Variants in RHAG observed in about 807,000 individuals in gnomAD.
The protein encoded by RHAG is Rh associated glycoprotein.
In RHAG, 25 loss-of-function variants were observed where a neutral mutation model predicts 42.4. The ratio of observed to expected loss-of-function variants is 0.59; its 90% CI spans 0.43 to 0.82. The LOEUF (loss-of-function observed/expected upper bound fraction) is 0.82. Among genes scored for constraint, RHAG ranks in the 40% least tolerant of loss-of-function variants. The pLI is 0.00. For synonymous variants in RHAG, 182 were observed against 177.7 expected (o/e 1.02, Z -0.19); for missense variants, 483 against 504.6 (o/e 0.96, Z 0.41).
chr6:49,629,492 G>A (rs903414779), intron 1 of RHAG, among the ~76,000 whole-genome samples: 2 of 152,234 alleles, frequency 1.3e-5, no homozygotes, highest in Non-Finnish European at 2.9e-5. Context: ...TCACCCAGTG[G>A]ATCCCGCACC....
chr6:49,612,322 T>G, intron 6 of RHAG, 75 bp downstream of exon 6: 2 of 1,505,102 alleles, frequency 1.3e-6, no homozygotes, highest in East Asian at 4.6e-5. Flanking sequence ...CTTAGTAGCT[T>G]TTTTTCTGCT....
chr6:49,607,718 T>A (rs1762498029), intron 7 of RHAG, among the ~76,000 whole-genome samples: 1 of 152,180 alleles, frequency 6.6e-6, no homozygotes, highest in Admixed American at 6.5e-5. Context: ...TAGTAAAAAA[T>A]ACTTTGTAAT....
chr6:49,622,496 A>G (rs1323121044), intron 1 of RHAG, among the ~76,000 whole-genome samples: 1 of 152,044 alleles, frequency 6.6e-6, no homozygotes, highest in East Asian at 1.9e-4. Context: ...GGCGTAAGCC[A>G]CCGCGCCTGG....
intron 1 of RHAG, among the ~76,000 whole-genome samples, chr6:49,623,395 G>C (rs1056455938): frequency 2.0e-5 from 3 of 152,070 alleles, no homozygotes; most frequent in African/African-American, 7.3e-5. Context: ...TTAAGAGTTT[G>C]TGGGTGGGGA....
At chr6:49,612,608 G>A (rs1174739852) in intron 5 of RHAG, 74 bp from the exon 6 acceptor site, 16 of 1,550,916 alleles carry the variant, frequency 1.0e-5, no homozygotes, top group Non-Finnish European at 1.2e-5. Context: ...GGATTCTAGA[G>A]TTCAAGAGAC....
chr6:49,629,729 G>T (rs977215915), intron 1 of RHAG, among the ~76,000 whole-genome samples: 4 of 152,212 alleles, frequency 2.6e-5, no homozygotes, highest in Non-Finnish European at 4.4e-5. Context: ...GAAATCGAGC[G>T]CAGCGCAGGT....
chr6:49,630,192 C>T (rs1469323654), intron 1 of RHAG, among the ~76,000 whole-genome samples: 1 of 152,192 alleles, frequency 6.6e-6, no homozygotes, highest in Non-Finnish European at 1.5e-5. Flanking sequence ...TGAGTGTTAC[C>T]CATGTTGTGC....
rs1165489347 is a variant in RHAG, at chr6:49,605,757, T to TA, written c.*55dup. On this transcript the variant is annotated 3_prime_UTR_variant, in exon 10 of 10. Transcript: ENST00000371175. ...GAAGCTGGAGAGCAGGAATGGTGTTTAGACTTCAGGTTCCAGCTGGCTGTG... is the reference window on the plus strand; with the variant it reads ...GAAGCTGGAGAGCAGGAATGGTGTTTAAGACTTCAGGTTCCAGCTGGCTGTG... 3.9e-6 allele frequency: 6 copies of TA among 1,522,036 alleles called. No individual in the cohort carries two copies. The highest frequency in any genetic ancestry group is 1.7e-5 in the Admixed American group (1 of 59,848). 94.3% of individuals were successfully genotyped at this position (1,522,036 alleles called of 1,614,324 possible).
chr6:49,626,402 A>T (rs923914194), intron 1 of RHAG, among the ~76,000 whole-genome samples: 2 of 152,162 alleles, frequency 1.3e-5, no homozygotes, highest in Non-Finnish European at 2.9e-5. Flanking sequence ...GCAGTCCTTA[A>T]ATCTTAAATT....
rs532639549 is a variant in RHAG at position 49,615,641 on chromosome 6, T to C, written c.623A>G (p.Asp208Gly). 6.2e-7 allele frequency: 1 copy of C among 1,614,114 alleles called. No individual in the cohort carries two copies. The highest frequency in any genetic ancestry group is 1.7e-5 in the Admixed American group (1 of 60,006). The change falls in exon 4 of 10, where the codon GAC (aspartate) becomes GGC (glycine). Residue 208 changes from aspartate to glycine, a missense_variant. Transcript: ENST00000371175. ...HENEESAYYSDLFAMIGTLFL... is the reference protein window; with the variant it reads ...HENEESAYYSGLFAMIGTLFL... Reference sequence around the variant, plus strand: ...ACACTCACCAATCATTGCAAACAAGTCTGAGTAGTATGCGGACTCTTCATT... The same window carrying C: ...ACACTCACCAATCATTGCAAACAAGCCTGAGTAGTATGCGGACTCTTCATT...
At position 49,619,265 on chromosome 6, in the gene RHAG, G is replaced by A. The variant is rs377765960; in HGVS notation, c.255C>T (p.Leu85=). 157 of 1,613,962 alleles carry A rather than the reference G, an allele frequency of 9.7e-5. No individual in the cohort carries two copies. The highest frequency in any genetic ancestry group is 1.6e-4 in the Middle Eastern group (1 of 6,082). The change falls in exon 2 of 10, where the codon CTC becomes CTT. Residue 85 remains leucine, a synonymous_variant. Coordinates refer to ENST00000371175, the MANE Select transcript of RHAG (RefSeq NM_000324.3). The part of the protein sequence containing the change: ...YGFSSVGINL[L]VAALGLQWGT... The stretch of plus-strand genomic sequence containing the variant: ...CCCACTGGAGGCCCAAAGCAGCAAC[G>A]AGTAGGTTGATACCCACACTGCTGA...
chr6:49,626,117 T>C (rs1393022318), intron 1 of RHAG, among the ~76,000 whole-genome samples: 1 of 152,084 alleles, frequency 6.6e-6, no homozygotes, highest in African/African-American at 2.4e-5. Context: ...CTCCAGCCCC[T>C]CCAAAATCTC....
At chr6:49,610,878 A>T (rs1401633604) in intron 7 of RHAG, 146 bp downstream of exon 7, 2 of 857,944 alleles carry the variant, frequency 2.3e-6, no homozygotes, top group East Asian at 2.6e-5. Context: ...TATTCTAATG[A>T]TCTTCTCTCA....
At chr6:49,606,631 G>T in intron 9 of RHAG, 1 of 435,496 alleles carries the variant, frequency 2.3e-6, no homozygotes, top group Non-Finnish European at 4.0e-6. Flanking sequence ...TATAATTTTT[G>T]TAGAGAGTTG....
intron 6 of RHAG, 133 bp downstream of exon 6, chr6:49,612,264 C>A: frequency 1.0e-6 from 1 of 997,078 alleles, no homozygotes. Context: ...GTGGTATTTC[C>A]AAAAAGAAGG....
chr6:49,614,825 G>A lies in RHAG; in HGVS notation c.669C>T (p.Pro223=). The A allele has an allele frequency of 1.9e-6, 3 of 1,614,168 alleles. No individual in the cohort carries two copies. The highest frequency in any genetic ancestry group is 2.5e-6 in the Non-Finnish European group (3 of 1,180,016). The change falls in exon 5 of 10, where the codon CCC becomes CCT. Residue 223 remains proline, a synonymous_variant. Transcript: ENST00000371175. ...GTTCAGCAATGGCCGAGTTAAAGCT[G>A]GGCCAAAACATCCACAGAAAGAGAG... ...IGTLFLWMFW[P]SFNSAIAEPG... is the part of the protein sequence containing the mutation.
At chr6:49,608,213 G>C (rs1323160962) in intron 7 of RHAG, among the ~76,000 whole-genome samples, 2 of 152,164 alleles carry the variant, frequency 1.3e-5, no homozygotes, top group Non-Finnish European at 2.9e-5. Flanking sequence ...ATGTGAGTCA[G>C]TGTAGATCTG....
intron 5 of RHAG, among the ~76,000 whole-genome samples, chr6:49,613,728 T>C (rs915721995): frequency 2.0e-5 from 3 of 152,180 alleles, no homozygotes; most frequent in Non-Finnish European, 4.4e-5. Context: ...ATATTTTATT[T>C]TGAACTAATT....
intron 3 of RHAG, 75 bp downstream of exon 3, chr6:49,617,993 C>T (rs1762682263): frequency 1.3e-5 from 17 of 1,353,814 alleles, no homozygotes; most frequent in East Asian, 7.0e-5. Context: ...TCCCATATAC[C>T]GTAGACACCC....
Sources: gnomAD v4.1 joint callset for allele counts (sites outside exome capture counted in the v4.1 genomes callset) on GRCh38, gnomAD v4.1.1 for gene constraint, MANE v1.5 for transcripts, NCBI Gene and HGNC (gene_info 2026-07-23, HGNC 2026-07-21) for gene names.